Variants in SYT1 observed in about 807,000 individuals in gnomAD.
The protein encoded by SYT1 is synaptotagmin-1.
A neutral mutation model predicts 44.8 loss-of-function variants in SYT1; 8 were observed. That is an observed-to-expected ratio of 0.18 (90% CI 0.10 to 0.32). The LOEUF (loss-of-function observed/expected upper bound fraction) is 0.32, where lower values mean the gene tolerates loss of function less well. Ranked by LOEUF, SYT1 falls within the 10% of genes least tolerant of loss-of-function variation. SYT1 has a pLI of 1.00. For synonymous variants in SYT1, 154 were observed against 188.8 expected (o/e 0.82, Z 1.51); for missense variants, 286 against 509.3 (o/e 0.56, Z 4.22).
At chr12:79,237,042 G>A (rs1025007047) in intron 4 of SYT1, among the ~76,000 whole-genome samples, 3 of 152,154 alleles carry the variant, frequency 2.0e-5, no homozygotes, top group Admixed American at 1.3e-4. Flanking sequence ...GGATTGTGAC[G>A]GGGGAACCTG....
At chr12:79,345,166 C>A (rs1882552355) in intron 8 of SYT1, among the ~76,000 whole-genome samples, 1 of 152,158 alleles carries the variant, frequency 6.6e-6, no homozygotes, top group Non-Finnish European at 1.5e-5. Context: ...CCCACAGACA[C>A]CAGCTCTGGT....
In SYT1 at chr12:79,179,103, T is replaced by TATATAG. The variant is rs1282266306; in HGVS notation, c.-17-38376_-17-38371dup. Among the ~76,000 whole-genome samples the TATATAG allele has an allele frequency of 8.9e-5, 11 of 123,936 alleles. 1 individual carries two copies. The highest frequency in any genetic ancestry group is 2.9e-4 in the African/African-American group (9 of 31,168). 81.3% of individuals were successfully genotyped at this position (123,936 alleles called of 152,430 possible). A position where few individuals can be genotyped will look rare whatever the true frequency, so the allele number is the denominator to read the frequency against. On this transcript the variant is annotated intron_variant, in intron 3 of 10. Coordinates refer to ENST00000261205, the MANE Select transcript of SYT1 (RefSeq NM_005639.3). Reference sequence around the variant, plus strand: ...ATAGATATAGATATATAGATATAGATATATAGATATAGATATAGATATAGA... The same window carrying TATATAG: ...ATAGATATAGATATATAGATATAGATATATAGATATAGATATAGATATAGATATAGA...
chr12:79,005,794 A>T (rs1397292457), intron 2 of SYT1, among the ~76,000 whole-genome samples: 1 of 152,106 alleles, frequency 6.6e-6, no homozygotes, highest in Non-Finnish European at 1.5e-5. Flanking sequence ...TGAGTTCAAA[A>T]GTAATTTCAA....
At chr12:79,096,545 A>G (rs948387521) in intron 3 of SYT1, among the ~76,000 whole-genome samples, 2 of 152,034 alleles carry the variant, frequency 1.3e-5, no homozygotes. Context: ...GCTGAGGAAT[A>G]TTACACTGCA....
chr12:79,404,389 CT>C (rs1387050574), intron 9 of SYT1, among the ~76,000 whole-genome samples: 1 of 152,148 alleles, frequency 6.6e-6, no homozygotes, highest in African/African-American at 2.4e-5. Flanking sequence ...CTTCCACACC[CT>C]CACAAAAGTA....
chr12:79,079,674 G>A (rs1039284216), intron 3 of SYT1, among the ~76,000 whole-genome samples: 8 of 151,798 alleles, frequency 5.3e-5, no homozygotes, highest in Admixed American at 5.3e-4. Flanking sequence ...CAGAACCTTT[G>A]AAACATGCAC....
chr12:79,058,764 T>C (rs1875152352), intron 3 of SYT1, among the ~76,000 whole-genome samples: 1 of 152,048 alleles, frequency 6.6e-6, no homozygotes, highest in Non-Finnish European at 1.5e-5. Flanking sequence ...GTGAAGATAT[T>C]TGGAGACAGG....
At chr12:79,179,107 TAGATATAGATATAGATATAG>T (rs1565841267) in intron 3 of SYT1, among the ~76,000 whole-genome samples, 2 of 119,682 alleles carry the variant, frequency 1.7e-5, no homozygotes, top group African/African-American at 6.9e-5. Context: ...TATAGATATA[TAGATATAGATATAGATATAG>T]ATATATAGAT....
Position 79,338,709 on chromosome 12 carries a change from T to C in SYT1, c.811-14793T>C, listed in dbSNP as rs1002149673. On this transcript the variant is annotated intron_variant, in intron 8 of 10. Coordinates refer to ENST00000261205, the MANE Select transcript of SYT1 (RefSeq NM_005639.3). ...ATTATACTTTAAGTTCTAGGGTACA[T>C]GTGCACAATGTGCAGGTTTGTTACA... Among the ~76,000 whole-genome samples, 3 of 139,766 alleles carry C rather than the reference T, an allele frequency of 2.1e-5. No homozygotes were observed. In the Admixed American group the frequency reaches 2.2e-4, roughly 10 times the overall value. 91.7% of individuals were successfully genotyped at this position (139,766 alleles called of 152,430 possible).
chr12:79,137,252 C>T (rs529790143), intron 3 of SYT1, among the ~76,000 whole-genome samples: 2 of 152,098 alleles, frequency 1.3e-5, no homozygotes, highest in African/African-American at 4.8e-5. Context: ...TGCACCACCA[C>T]GCCCAGCTAA....
chr12:79,356,298 C>CT (rs917554825), intron 9 of SYT1, among the ~76,000 whole-genome samples: 3 of 151,722 alleles, frequency 2.0e-5, no homozygotes, highest in Non-Finnish European at 2.9e-5. Flanking sequence ...AAATCTTTGC[C>CT]TTTTTTTAAA....
At chr12:79,175,575 A>G (rs1436897065) in intron 3 of SYT1, among the ~76,000 whole-genome samples, 1 of 152,088 alleles carries the variant, frequency 6.6e-6, no homozygotes, top group East Asian at 1.9e-4. Context: ...TGGCACACTC[A>G]AACTTTTGGT....
intron 3 of SYT1, among the ~76,000 whole-genome samples, chr12:79,157,557 T>C (rs1428437139): frequency 6.6e-6 from 1 of 152,188 alleles, no homozygotes; most frequent in African/African-American, 2.4e-5. Flanking sequence ...ATGATAAATA[T>C]GTGCTTCCAT....
At chr12:79,257,650 G>C (rs1294299929) in intron 4 of SYT1, among the ~76,000 whole-genome samples, 1 of 152,098 alleles carries the variant, frequency 6.6e-6, no homozygotes, top group African/African-American at 2.4e-5. Flanking sequence ...ACAACCCCCG[G>C]CTGATTTTTT....
intron 8 of SYT1, among the ~76,000 whole-genome samples, chr12:79,303,390 G>GA (rs536638599): frequency 3.7e-4 from 56 of 149,976 alleles, no homozygotes; most frequent in Admixed American, 3.3e-3. Flanking sequence ...GATAGCACCA[G>GA]AAAAAAAAAC....
intron 1 of SYT1, among the ~76,000 whole-genome samples, chr12:78,871,713 G>A (rs1873830720): frequency 6.6e-6 from 1 of 151,862 alleles, no homozygotes; most frequent in Admixed American, 6.6e-5. Flanking sequence ...AGACAAGGAA[G>A]CAAAGCATTG....
intron 8 of SYT1, among the ~76,000 whole-genome samples, chr12:79,307,949 A>G (rs1475149304): frequency 6.6e-6 from 1 of 152,180 alleles, no homozygotes; most frequent in Non-Finnish European, 1.5e-5. Flanking sequence ...GATAGTGAAG[A>G]AGGAGAAGGC....
In SYT1 at chr12:79,278,250, C is replaced by T. The variant is rs373211448; in HGVS notation, c.167-7537C>T. ...CACATAGAACATTTTCCAAGATAGACCATATGACAGGCCACAAAACAAGTC... is the reference window on the plus strand; with the variant it reads ...CACATAGAACATTTTCCAAGATAGATCATATGACAGGCCACAAAACAAGTC... On this transcript the variant is annotated intron_variant, in intron 4 of 10. Coordinates refer to ENST00000261205, the MANE Select transcript of SYT1 (RefSeq NM_005639.3). Among the ~76,000 whole-genome samples the T allele has an allele frequency of 8.5e-5, 13 of 152,168 alleles. No individual in the cohort carries two copies. The East Asian group carries it at 2.1e-3, about 25-fold the overall frequency.
intron 3 of SYT1, among the ~76,000 whole-genome samples, chr12:79,217,035 TA>T (rs1874850201): frequency 6.6e-6 from 1 of 152,232 alleles, no homozygotes; most frequent in South Asian, 2.1e-4. Context: ...TAACCATTTT[TA>T]AAGTCACTAG....
Sources: allele counts gnomAD v4.1 joint callset (sites outside exome capture counted in the v4.1 genomes callset), GRCh38; gene constraint gnomAD v4.1.1; transcripts MANE v1.5; gene names NCBI Gene and HGNC (gene_info 2026-07-23, HGNC 2026-07-21).